The following CRPPA variants were observed in gnomAD, a reference collection of about 807,000 sequenced individuals.
CRPPA encodes the protein CDP-L-ribitol pyrophosphorylase A.
In CRPPA, 43 loss-of-function variants were observed where a neutral mutation model predicts 52.0. The ratio of observed to expected loss-of-function variants is 0.83; its 90% CI spans 0.65 to 1.07. The LOEUF (loss-of-function observed/expected upper bound fraction) is 1.07. Ranked by LOEUF, CRPPA falls within the 50% of genes least tolerant of loss-of-function variation. The pLI is 0.00. For synonymous variants in CRPPA, 250 were observed against 203.5 expected (o/e 1.23, Z -1.94); for missense variants, 629 against 551.7 (o/e 1.14, Z -1.40).
At chr7:16,332,594 G>A (rs925607022) in intron 3 of CRPPA, among the ~76,000 whole-genome samples, 2 of 152,058 alleles carry the variant, frequency 1.3e-5, no homozygotes, top group African/African-American at 2.4e-5. Context: ...AGAATTAGTT[G>A]TAAATGTGTA....
At chr7:16,377,628 C>T (rs1786929403) in intron 2 of CRPPA, among the ~76,000 whole-genome samples, 1 of 152,102 alleles carries the variant, frequency 6.6e-6, no homozygotes, top group African/African-American at 2.4e-5. Context: ...ACATTTATTC[C>T]AGAAAATCTA....
At chr7:16,167,505 TA>T (rs1344047266) in intron 9 of CRPPA, among the ~76,000 whole-genome samples, 1 of 152,192 alleles carries the variant, frequency 6.6e-6, no homozygotes. Flanking sequence ...CAGTCTGGAA[TA>T]AAGGCCTTGG....
intron 1 of CRPPA, among the ~76,000 whole-genome samples, chr7:16,419,226 A>C (rs1235383620): frequency 6.6e-6 from 1 of 152,232 alleles, no homozygotes; most frequent in East Asian, 1.9e-4. Flanking sequence ...CCATTTTCCA[A>C]ACTCCAATAT....
intron 9 of CRPPA, among the ~76,000 whole-genome samples, chr7:16,173,030 A>G (rs1306416421): frequency 6.6e-6 from 1 of 152,200 alleles, no homozygotes; most frequent in Non-Finnish European, 1.5e-5. Context: ...AACATTTTAA[A>G]CTAATTTAGA....
At chr7:16,302,672 G>C (rs1784815082) in intron 4 of CRPPA, among the ~76,000 whole-genome samples, 1 of 152,108 alleles carries the variant, frequency 6.6e-6, no homozygotes, top group East Asian at 1.9e-4. Flanking sequence ...AAATAAAAGA[G>C]AGAAAAAATG....
At chr7:16,187,045 C>G (rs898191841) in intron 9 of CRPPA, among the ~76,000 whole-genome samples, 2 of 152,100 alleles carry the variant, frequency 1.3e-5, no homozygotes, top group Non-Finnish European at 2.9e-5. Context: ...TTCATAGTCT[C>G]CATTTTAATA....
intron 9 of CRPPA, among the ~76,000 whole-genome samples, chr7:16,166,691 C>G (rs1336985451): frequency 2.6e-5 from 4 of 152,094 alleles, no homozygotes; most frequent in Admixed American, 6.6e-5. Context: ...GCCTTCTTAC[C>G]AGCTACTGTG....
intron 9 of CRPPA, among the ~76,000 whole-genome samples, chr7:16,166,825 C>T (rs1781075897): frequency 3.9e-5 from 6 of 152,132 alleles, no homozygotes; most frequent in Admixed American, 3.3e-4. Context: ...CCTACCCCTT[C>T]ACCCATGCCA....
At chr7:16,224,927 C>G (rs934693699) in intron 8 of CRPPA, among the ~76,000 whole-genome samples, 1 of 152,084 alleles carries the variant, frequency 6.6e-6, no homozygotes, top group Non-Finnish European at 1.5e-5. Context: ...AAAGTCAACT[C>G]ATAATTCTGA....
intron 5 of CRPPA, among the ~76,000 whole-genome samples, chr7:16,288,987 G>C (rs2128420340): frequency 7.0e-6 from 1 of 141,890 alleles, no homozygotes; most frequent in Admixed American, 6.9e-5. Context: ...ACAAAAAAAA[G>C]AGCCACCAAA....
intron 4 of CRPPA, among the ~76,000 whole-genome samples, chr7:16,307,332 G>C (rs1180862157): frequency 6.6e-6 from 1 of 152,126 alleles, no homozygotes; most frequent in Non-Finnish European, 1.5e-5. Flanking sequence ...GCCTTGATAA[G>C]AAGCTGCAGT....
chr7:16,269,547 T>G (rs1263574749), intron 6 of CRPPA: 1 of 152,172 alleles, frequency 6.6e-6, no homozygotes, highest in Admixed American at 6.5e-5. Context: ...CCTCATATAC[T>G]GAATAGTCAT....
chr7:16,162,941 T>A (rs1308096558), intron 9 of CRPPA, among the ~76,000 whole-genome samples: 1 of 151,892 alleles, frequency 6.6e-6, no homozygotes, highest in East Asian at 1.9e-4. Context: ...ATGCCCTTCT[T>A]TGTCTTTTTT....
chr7:16,334,883 T>C (rs185908291), intron 3 of CRPPA, among the ~76,000 whole-genome samples: 7 of 152,118 alleles, frequency 4.6e-5, no homozygotes, highest in African/African-American at 9.6e-5. Flanking sequence ...CTCAAACACA[T>C]AGGCATCAAT....
intron 5 of CRPPA, among the ~76,000 whole-genome samples, chr7:16,293,161 C>A (rs80102435): frequency 1.3e-5 from 2 of 151,756 alleles, no homozygotes; most frequent in East Asian, 3.9e-4. Flanking sequence ...GATCCTCAAG[C>A]AGGTGGGCAA....
At chr7:16,121,977 A>G (rs1163601469) in intron 9 of CRPPA, among the ~76,000 whole-genome samples, 1 of 152,050 alleles carries the variant, frequency 6.6e-6, no homozygotes, top group Non-Finnish European at 1.5e-5. Flanking sequence ...GGAACATTTA[A>G]TTATTGCTCC....
At chr7:16,287,297 A>T (rs1463203952) in intron 5 of CRPPA, among the ~76,000 whole-genome samples, 2 of 152,136 alleles carry the variant, frequency 1.3e-5, no homozygotes, top group Non-Finnish European at 2.9e-5. Flanking sequence ...TTTTACTTTG[A>T]TTATAGTTTC....
intron 9 of CRPPA, among the ~76,000 whole-genome samples, chr7:16,150,456 C>A (rs1037791752): frequency 2.0e-5 from 3 of 152,092 alleles, no homozygotes; most frequent in African/African-American, 2.4e-5. Context: ...AATGATAGGA[C>A]TGAATTTGAA....
At chr7:16,303,158 T>C (rs1417802101) in intron 4 of CRPPA, among the ~76,000 whole-genome samples, 1 of 152,188 alleles carries the variant, frequency 6.6e-6, no homozygotes, top group Admixed American at 6.5e-5. Flanking sequence ...TTTCACATTT[T>C]AATAGATTGG....
Sources: gnomAD v4.1 joint callset for allele counts (sites outside exome capture counted in the v4.1 genomes callset) on GRCh38, gnomAD v4.1.1 for gene constraint, MANE v1.5 for transcripts, NCBI Gene and HGNC (gene_info 2026-07-23, HGNC 2026-07-21) for gene names.